The following ARL6IP1 variants were observed in gnomAD, a reference collection of about 807,000 sequenced individuals.
ARL6IP1 encodes ARL6 interacting reticulophagy regulator 1.
In ARL6IP1, 16 loss-of-function variants were observed where a neutral mutation model predicts 30.1. That is an observed-to-expected ratio of 0.53 (90% CI 0.36 to 0.81). ARL6IP1 has a LOEUF of 0.81. ARL6IP1 is among the 30% of genes least tolerant of loss of function. ARL6IP1 has a pLI of 0.01. For missense variants in ARL6IP1, 173 were observed against 242.7 expected (o/e 0.71, Z 1.91); for synonymous variants, 72 against 84.8 (o/e 0.85, Z 0.83).
chr16:18,800,657 A>G (rs145692191), intron 1 of ARL6IP1, among the ~76,000 whole-genome samples: 1,960 of 152,330 alleles, frequency 0.013, 54 homozygotes, highest in African/African-American at 0.045. Context: ...CATTGCTGGT[A>G]TGTGACCTAC....
At position 18,792,767 on chromosome 16, in the gene ARL6IP1, A is replaced by G. The variant is rs1024320033; in HGVS notation, c.*485T>C. On this transcript the variant is annotated 3_prime_UTR_variant, in exon 6 of 6. Coordinates refer to ENST00000304414, the MANE Select transcript of ARL6IP1 (RefSeq NM_015161.3). ...AGAAACAGAATGAGGAATGAATCTT[A>G]ATTGGTCTCTTCATCAGAAGTGGTA... 6.5e-6 allele frequency: 1 copy of G among 152,696 alleles called. No homozygotes were observed. The highest frequency in any genetic ancestry group is 1.5e-5 in the Non-Finnish European group (1 of 68,084). The allele number at this position is 152,696 out of a possible 1,614,324, so 9.5% of individuals were successfully genotyped here. A position where few individuals can be genotyped will look rare whatever the true frequency, so the allele number is the denominator to read the frequency against.
intron 3 of ARL6IP1, among the ~76,000 whole-genome samples, chr16:18,796,901 G>A (rs182964832): frequency 1.1e-4 from 16 of 152,288 alleles, no homozygotes; most frequent in African/African-American, 3.1e-4. Context: ...AAAGGCACAA[G>A]TAGAATACTA....
intron 3 of ARL6IP1, among the ~76,000 whole-genome samples, chr16:18,797,229 A>T (rs896464660): frequency 1.4e-4 from 21 of 151,742 alleles, no homozygotes; most frequent in Admixed American, 3.3e-4. Context: ...AATAAAAAAA[A>T]AAAAAATTAG....
In ARL6IP1 at chr16:18,801,505, C is replaced by G. The variant is rs369074141; in HGVS notation, c.-39G>C. ...CAGTCTCTACAAGCGCAGGCCACCTCCCCAACGAGTCCTCCAACCGAAACC... is the reference window on the plus strand; with the variant it reads ...CAGTCTCTACAAGCGCAGGCCACCTGCCCAACGAGTCCTCCAACCGAAACC... On this transcript the variant is annotated 5_prime_UTR_variant, in exon 1 of 6. Coordinates refer to ENST00000304414, the MANE Select transcript of ARL6IP1 (RefSeq NM_015161.3). The G allele has an allele frequency of 1.0e-5, 16 of 1,605,966 alleles. No homozygotes were observed. Among genetic ancestry groups the G allele is most frequent in the Middle Eastern group, 3.3e-4 (2 of 6,066 alleles).
chr16:18,796,274 C>G (rs2030228763), intron 3 of ARL6IP1, among the ~76,000 whole-genome samples: 1 of 152,122 alleles, frequency 6.6e-6, no homozygotes, highest in Non-Finnish European at 1.5e-5. Context: ...GCTATAATGG[C>G]TGCTATTATT....
chr16:18,801,139 AC>A, intron 1 of ARL6IP1: 1 of 1,334,108 alleles, frequency 7.5e-7, no homozygotes, highest in Non-Finnish European at 9.6e-7. Flanking sequence ...TTCTGCCCCC[AC>A]CCGCACCCCA....
Position 18,793,185 on chromosome 16 carries a change from T to TAGTACAGCAGAAACGGTTCCC in ARL6IP1, c.*46_*66dup, listed in dbSNP as rs2030119185. On this transcript the variant is annotated 3_prime_UTR_variant, in exon 6 of 6. Transcript: ENST00000304414. Reference sequence around the variant, plus strand: ...CTTCCGTAACATTTTAGTATCCAGATAGTACAGCAGAAACGGTTCCCGGGG... The same window carrying TAGTACAGCAGAAACGGTTCCC: ...CTTCCGTAACATTTTAGTATCCAGATAGTACAGCAGAAACGGTTCCCAGTACAGCAGAAACGGTTCCCGGGG... 6 of 986,944 alleles carry TAGTACAGCAGAAACGGTTCCC rather than the reference T, an allele frequency of 6.1e-6. No individual in the cohort carries two copies. The highest frequency in any genetic ancestry group is 6.3e-6 in the Non-Finnish European group (4 of 638,706). The allele number at this position is 986,944 out of a possible 1,614,324, so 61.1% of individuals were successfully genotyped here.
intron 3 of ARL6IP1, among the ~76,000 whole-genome samples, chr16:18,797,535 C>T (rs1360303069): frequency 6.6e-6 from 1 of 152,136 alleles, no homozygotes; most frequent in Non-Finnish European, 1.5e-5. Flanking sequence ...CAAGATCAAT[C>T]TTAAAAGTCA....
At chr16:18,801,067 G>T in intron 1 of ARL6IP1, 1 of 682,672 alleles carries the variant, frequency 1.5e-6, no homozygotes, top group Non-Finnish European at 1.9e-6. Context: ...GATCAAAGAC[G>T]GGGAAAGCCG....
chr16:18,797,764 T>C, intron 3 of ARL6IP1, 161 bp downstream of exon 3: 1 of 881,488 alleles, frequency 1.1e-6, no homozygotes, highest in Non-Finnish European at 1.7e-6. Flanking sequence ...ATAGTTTATA[T>C]TCAAATCAGT....
At chr16:18,794,094 G>C (rs972396879) in intron 5 of ARL6IP1, among the ~76,000 whole-genome samples, 9 of 150,674 alleles carry the variant, frequency 6.0e-5, no homozygotes, top group Admixed American at 5.2e-4. Flanking sequence ...TGGGACTACA[G>C]GTGTGTACCA....
chr16:18,801,379 G>C (rs1466015379), intron 1 of ARL6IP1, 52 bp downstream of exon 1: 11 of 1,605,552 alleles, frequency 6.9e-6, no homozygotes, highest in Admixed American at 1.7e-5. Context: ...TTGAGCCCAC[G>C]GACGTCTGGA....
rs1246418588 is a variant in ARL6IP1 at position 18,792,358 on chromosome 16, G to A, written c.*894C>T. On this transcript the variant is annotated 3_prime_UTR_variant, in exon 6 of 6. Transcript: ENST00000304414. ...TATTCTGGTCTCAAAAATTAGATAA[G>A]ATTATCTTCTACTGAAATGAATATT... The A allele has an allele frequency of 6.6e-6, 1 of 152,186 alleles. No homozygotes were observed. Among genetic ancestry groups the A allele is most frequent in the Non-Finnish European group, 1.5e-5 (1 of 68,032 alleles). The allele number at this position is 152,186 out of a possible 1,614,324, so 9.4% of individuals were successfully genotyped here.
intron 5 of ARL6IP1, among the ~76,000 whole-genome samples, chr16:18,793,597 A>G (rs2030138282): frequency 6.7e-6 from 1 of 149,872 alleles, no homozygotes. Flanking sequence ...ACGCCTGACT[A>G]ATTTTGTATT....
At chr16:18,798,257 T>C (rs1182475181) in intron 2 of ARL6IP1, 2 of 425,180 alleles carry the variant, frequency 4.7e-6, no homozygotes, top group East Asian at 8.7e-5. Context: ...ACAAAAGCTC[T>C]TTGGAGTTCT....
chr16:18,800,584 T>C (rs2030377808), intron 1 of ARL6IP1, among the ~76,000 whole-genome samples: 1 of 152,206 alleles, frequency 6.6e-6, no homozygotes, highest in Admixed American at 6.5e-5. Context: ...GTCACGTCAT[T>C]GGCCAGCGTC....
Position 18,793,322 on chromosome 16 carries a change from A to G in ARL6IP1, c.542T>C (p.Leu181Ser), listed in dbSNP as rs1268908818. 1 of 1,613,490 alleles carries G rather than the reference A, an allele frequency of 6.2e-7. No homozygotes were observed. The highest frequency in any genetic ancestry group is 8.5e-7 in the Non-Finnish European group (1 of 1,179,878). Reference protein sequence around the residue: ...LPGLNQHGIILKYIGMAKREI... With the variant: ...LPGLNQHGIISKYIGMAKREI... ...CCTCTTGGCCATTCCAATGTACTTC[A>G]AAATGATTCCATGTTGGTTTAGTCC... Residue 181 changes from leucine to serine, a missense_variant, in exon 6 of 6, where the codon TTG becomes TCG. Physicochemically the swap from Leu to Ser is moderately radical, Grantham distance 145. Coordinates refer to ENST00000304414, the MANE Select transcript of ARL6IP1 (RefSeq NM_015161.3).
At chr16:18,800,882 G>T (rs1405696403) in intron 1 of ARL6IP1, among the ~76,000 whole-genome samples, 1 of 151,034 alleles carries the variant, frequency 6.6e-6, no homozygotes, top group Non-Finnish European at 1.5e-5. Context: ...CAAACGCCAA[G>T]ACATCCCATT....
rs1250650628 is a variant in ARL6IP1 at position 18,794,703 on chromosome 16, T to C, written c.409-20A>G. 1 of 1,582,538 alleles carries C rather than the reference T, an allele frequency of 6.3e-7. No homozygotes were observed. On this transcript the variant is annotated intron_variant, in intron 4 of 5. Coordinates refer to ENST00000304414, the MANE Select transcript of ARL6IP1 (RefSeq NM_015161.3). ...GAAGTACTAGCAATGAAAACAAGAA[T>C]TTAATATCAAAACTTCATGTGACAC...
Sources: gnomAD v4.1 joint callset for allele counts (sites outside exome capture counted in the v4.1 genomes callset) on GRCh38, gnomAD v4.1.1 for gene constraint, MANE v1.5 for transcripts, NCBI Gene and HGNC (gene_info 2026-07-23, HGNC 2026-07-21) for gene names.